Variants in RPSA2 observed in about 807,000 individuals in gnomAD.
The protein encoded by RPSA2 is ribosomal protein SA 2.
At chr19:23,778,994 A>AATT in the RPSA2 span, among the ~76,000 whole-genome samples, 6 of 26,710 alleles carry the variant, frequency 2.2e-4, no homozygotes, top group Admixed American at 1.0e-3. Flanking sequence ...TTTTTGTGAC[A>AATT]CTTTTTTTTT....
chr19:23,800,243 C>T, the RPSA2 span, among the ~76,000 whole-genome samples: 3 of 151,422 alleles, frequency 2.0e-5, no homozygotes, highest in African/African-American at 7.3e-5. Context: ...GGGGTTTCAC[C>T]GTGTTAGCCA....
the RPSA2 span, among the ~76,000 whole-genome samples, chr19:23,776,575 T>C: frequency 6.6e-6 from 1 of 152,196 alleles, no homozygotes; most frequent in Non-Finnish European, 1.5e-5. Context: ...CATTGTGACA[T>C]ATCTCTGTGC....
chr19:23,838,994 G>A, the RPSA2 span, among the ~76,000 whole-genome samples: 1 of 151,656 alleles, frequency 6.6e-6, no homozygotes, highest in Non-Finnish European at 1.5e-5. Flanking sequence ...TTTTCTGCTG[G>A]GTTTGGGTTT....
the RPSA2 span, among the ~76,000 whole-genome samples, chr19:23,787,179 G>C: frequency 6.6e-6 from 1 of 152,056 alleles, no homozygotes; most frequent in Non-Finnish European, 1.5e-5. Context: ...ACATCGCTGG[G>C]CCCTGCATTG....
the RPSA2 span, among the ~76,000 whole-genome samples, chr19:23,761,865 G>A: frequency 2.2e-5 from 3 of 134,462 alleles, no homozygotes; most frequent in African/African-American, 5.5e-5. Context: ...GAATGACTGA[G>A]GAGCCTTTCT....
At chr19:23,806,215 T>G in the RPSA2 span, among the ~76,000 whole-genome samples, 1 of 151,970 alleles carries the variant, frequency 6.6e-6, no homozygotes, top group Non-Finnish European at 1.5e-5. Context: ...CAGCTAATTT[T>G]TGTATTTTTA....
the RPSA2 span, among the ~76,000 whole-genome samples, chr19:23,864,990 A>G: frequency 1.3e-5 from 2 of 151,496 alleles, no homozygotes; most frequent in Non-Finnish European, 2.9e-5. Context: ...TTCCAAACAT[A>G]CTCTTTTGTC....
chr19:23,798,601 A>T, the RPSA2 span, among the ~76,000 whole-genome samples: 1 of 152,272 alleles, frequency 6.6e-6, no homozygotes, highest in South Asian at 2.1e-4. Context: ...AGTTACAGAA[A>T]TTTTTTAAAA....
chr19:23,848,026 C>T, the RPSA2 span, among the ~76,000 whole-genome samples: 15 of 152,114 alleles, frequency 9.9e-5, no homozygotes, highest in Admixed American at 2.6e-4. Context: ...TTTCAAGGTG[C>T]ACTGATTTCG....
chr19:23,831,987 A>G, the RPSA2 span: 1 of 386,788 alleles, frequency 2.6e-6, no homozygotes, highest in Non-Finnish European at 5.3e-6. Flanking sequence ...AAAAATGTGG[A>G]AAAACCTTTA....
the RPSA2 span, among the ~76,000 whole-genome samples, chr19:23,785,954 A>G: frequency 6.6e-6 from 1 of 152,310 alleles, no homozygotes; most frequent in East Asian, 1.9e-4. Context: ...GGTTCAGCAC[A>G]CAGGTGAGAT....
chr19:23,856,264 G>A, the RPSA2 span, among the ~76,000 whole-genome samples: 2 of 152,076 alleles, frequency 1.3e-5, no homozygotes, highest in East Asian at 1.9e-4. Flanking sequence ...ATAATTTCCT[G>A]TCGGGACCAG....
At chr19:23,854,172 C>T in the RPSA2 span, among the ~76,000 whole-genome samples, 1 of 152,130 alleles carries the variant, frequency 6.6e-6, no homozygotes, top group Admixed American at 6.6e-5. Flanking sequence ...AGTTTAATCT[C>T]ATTACAGGAA....
the RPSA2 span, chr19:23,827,048 G>A: frequency 2.4e-5 from 17 of 696,320 alleles, no homozygotes; most frequent in Non-Finnish European, 4.4e-5. Flanking sequence ...TATTTGCATT[G>A]CTTTTACCTA....
chr19:23,837,701 AT>A, the RPSA2 span, among the ~76,000 whole-genome samples: 1 of 151,580 alleles, frequency 6.6e-6, no homozygotes, highest in Non-Finnish European at 1.5e-5. Context: ...TAAGTATTTT[AT>A]TTTTTTCAGC....
At chr19:23,788,112 T>G in the RPSA2 span, among the ~76,000 whole-genome samples, 2 of 152,188 alleles carry the variant, frequency 1.3e-5, no homozygotes, top group Non-Finnish European at 2.9e-5. Flanking sequence ...AGGTCTCTCC[T>G]TATCTTTCTG....
At chr19:23,852,488 T>C in the RPSA2 span, among the ~76,000 whole-genome samples, 9 of 152,356 alleles carry the variant, frequency 5.9e-5, no homozygotes, top group Non-Finnish European at 8.8e-5. Flanking sequence ...TTTCTATAGA[T>C]GTTAAACTAA....
the RPSA2 span, chr19:23,807,683 T>C: frequency 9.6e-6 from 2 of 208,272 alleles, no homozygotes; most frequent in Non-Finnish European, 2.0e-5. Flanking sequence ...GGTTTGTGTG[T>C]TGACAATTAT....
the RPSA2 span, among the ~76,000 whole-genome samples, chr19:23,853,272 G>A: frequency 6.6e-6 from 1 of 152,244 alleles, no homozygotes; most frequent in Non-Finnish European, 1.5e-5. Context: ...TAAAGCAGGG[G>A]CAGGCATGAC....
Sources: gnomAD v4.1 joint callset for allele counts (sites outside exome capture counted in the v4.1 genomes callset) on GRCh38, gnomAD v4.1.1 for gene constraint, MANE v1.5 for transcripts, NCBI Gene and HGNC (gene_info 2026-07-23, HGNC 2026-07-21) for gene names.